The following PRR16 variants were observed in gnomAD, a reference collection of about 807,000 sequenced individuals.
PRR16 encodes the protein proline rich 16, also known as protein Largen.
A neutral mutation model predicts 18.2 loss-of-function variants in PRR16; 6 were observed. The observed-to-expected ratio is 0.33, with a 90% CI of 0.18 to 0.65. The LOEUF (loss-of-function observed/expected upper bound fraction) is 0.65, where lower values mean the gene tolerates loss of function less well. PRR16 is among the 30% of genes least tolerant of loss of function. The pLI, the probability that PRR16 is intolerant of heterozygous loss-of-function variation, is 0.74. For synonymous variants in PRR16, 151 were observed against 147.8 expected (o/e 1.02, Z -0.16); for missense variants, 412 against 376.6 (o/e 1.09, Z -0.78).
chr5:120,572,921 T>C (rs1339145467), intron 1 of PRR16, among the ~76,000 whole-genome samples: 1 of 152,130 alleles, frequency 6.6e-6, no homozygotes, highest in East Asian at 1.9e-4. Context: ...GTGACTTCTA[T>C]AGTAGATATT....
At chr5:120,775,345 C>T in the PRR16 span, among the ~76,000 whole-genome samples, 1 of 152,004 alleles carries the variant, frequency 6.6e-6, no homozygotes, top group Non-Finnish European at 1.5e-5. Flanking sequence ...AGTCACTAGA[C>T]CAGAAACAAT....
chr5:120,657,091 C>G (rs1756005630), intron 1 of PRR16, among the ~76,000 whole-genome samples: 1 of 151,904 alleles, frequency 6.6e-6, no homozygotes, highest in South Asian at 2.1e-4. Flanking sequence ...ATCACAAAAT[C>G]AAACTGATTT....
chr5:120,670,991 G>T (rs960271210), intron 1 of PRR16, among the ~76,000 whole-genome samples: 3 of 152,050 alleles, frequency 2.0e-5, no homozygotes, highest in Admixed American at 6.6e-5. Flanking sequence ...CATTAGCATG[G>T]TGTTGAAGAC....
chr5:120,465,220 G>T (rs1580604657), intron 1 of PRR16, among the ~76,000 whole-genome samples: 1 of 152,184 alleles, frequency 6.6e-6, no homozygotes, highest in African/African-American at 2.4e-5. Context: ...TGGGGCTAAG[G>T]AGGGGGTCTG....
chr5:120,489,340 A>G (rs990611032), intron 1 of PRR16, among the ~76,000 whole-genome samples: 3 of 152,080 alleles, frequency 2.0e-5, no homozygotes, highest in Non-Finnish European at 4.4e-5. Flanking sequence ...GTGCTCCTGT[A>G]TTGGGTGCAT....
At chr5:120,537,003 G>C (rs1580699340) in intron 1 of PRR16, among the ~76,000 whole-genome samples, 2 of 152,138 alleles carry the variant, frequency 1.3e-5, no homozygotes, top group African/African-American at 4.8e-5. Context: ...GAGAACTCAT[G>C]AACACAAAGG....
chr5:120,606,294 A>G (rs1754151308), intron 1 of PRR16, among the ~76,000 whole-genome samples: 2 of 152,208 alleles, frequency 1.3e-5, no homozygotes, highest in African/African-American at 4.8e-5. Context: ...CCCAGAGCTG[A>G]GGAAACAGAG....
chr5:120,499,046 A>G (rs1750355314), intron 1 of PRR16, among the ~76,000 whole-genome samples: 1 of 150,432 alleles, frequency 6.6e-6, no homozygotes, highest in African/African-American at 2.4e-5. Flanking sequence ...CAGTTTCTTC[A>G]ATCTGTAGGT....
chr5:120,537,807 C>T (rs10062263), intron 1 of PRR16, among the ~76,000 whole-genome samples: 6 of 133,152 alleles, frequency 4.5e-5, no homozygotes, highest in African/African-American at 1.7e-4. Flanking sequence ...GACGGAGTCT[C>T]GCTCTGTCGC....
rs144401384 is a variant in PRR16 at position 120,584,974 on chromosome 5, C to T, written c.160-100980C>T. ...AACTCCTCTCCTCTGATTTCAAGCC[C>T]CTGGTCTTTCTGCCTCACTAGATCA... is the stretch of plus-strand genomic sequence containing the variant. On this transcript the variant is annotated intron_variant, in intron 1 of 1. Coordinates refer to ENST00000407149, the MANE Select transcript of PRR16 (RefSeq NM_001300783.2). Among the ~76,000 whole-genome samples the T allele has an allele frequency of 2.0e-4, 31 of 152,210 alleles. 1 individual carries two copies. Among genetic ancestry groups the T allele is most frequent in the Middle Eastern group, 6.8e-3 (2 of 294 alleles).
intron 1 of PRR16, among the ~76,000 whole-genome samples, chr5:120,638,594 A>T (rs1040170667): frequency 6.6e-6 from 1 of 152,118 alleles, no homozygotes; most frequent in African/African-American, 2.4e-5. Flanking sequence ...TCTCAAAGAC[A>T]TGTTGGGATT....
the PRR16 span, among the ~76,000 whole-genome samples, chr5:120,764,923 T>C: frequency 6.6e-6 from 1 of 152,066 alleles, no homozygotes; most frequent in African/African-American, 2.4e-5. Flanking sequence ...CAAATTTGCA[T>C]CATTTCCTAG....
intron 1 of PRR16, among the ~76,000 whole-genome samples, chr5:120,672,560 G>C (rs1271932890): frequency 6.6e-6 from 1 of 151,854 alleles, no homozygotes; most frequent in African/African-American, 2.4e-5. Flanking sequence ...GTGTGTGTGT[G>C]TGTGTGTAAT....
the PRR16 span, among the ~76,000 whole-genome samples, chr5:120,748,305 T>C: frequency 3.9e-5 from 6 of 152,120 alleles, no homozygotes; most frequent in African/African-American, 1.4e-4. Context: ...TTCAGACAAA[T>C]AGTAATTCTC....
intron 1 of PRR16, among the ~76,000 whole-genome samples, chr5:120,653,341 C>T (rs1157704432): frequency 1.3e-5 from 2 of 151,168 alleles, no homozygotes; most frequent in Non-Finnish European, 2.9e-5. Flanking sequence ...GGATTATATA[C>T]ATTATAAAGG....
At chr5:120,668,690 A>T (rs988288455) in intron 1 of PRR16, among the ~76,000 whole-genome samples, 2 of 152,078 alleles carry the variant, frequency 1.3e-5, no homozygotes, top group East Asian at 1.9e-4. Context: ...TCTGTAAAGT[A>T]TTTTATTTCT....
chr5:120,498,726 A>T (rs1391432570), intron 1 of PRR16, among the ~76,000 whole-genome samples: 1 of 148,348 alleles, frequency 6.7e-6, no homozygotes, highest in African/African-American at 2.5e-5. Flanking sequence ...CTTATTTTTT[A>T]TTTGTTTGTT....
At chr5:120,509,502 T>G (rs189689691) in intron 1 of PRR16, among the ~76,000 whole-genome samples, 30 of 152,134 alleles carry the variant, frequency 2.0e-4, no homozygotes, top group East Asian at 1.9e-3. Context: ...ATAAGAATGG[T>G]TAAGAAGGGC....
chr5:120,749,088 CAT>C, the PRR16 span, among the ~76,000 whole-genome samples: 1 of 151,988 alleles, frequency 6.6e-6, no homozygotes, highest in Non-Finnish European at 1.5e-5. Context: ...TTATAGATAA[CAT>C]GTAATGAAAA....
Sources: allele counts gnomAD v4.1 joint callset (sites outside exome capture counted in the v4.1 genomes callset), GRCh38; gene constraint gnomAD v4.1.1; transcripts MANE v1.5; gene names NCBI Gene and HGNC (gene_info 2026-07-23, HGNC 2026-07-21).